Variants in ELP1 observed in about 807,000 individuals in gnomAD.
ELP1 encodes the protein elongator complex protein 1.
In ELP1, 131 loss-of-function variants were observed where a neutral mutation model predicts 183.2. That is an observed-to-expected ratio of 0.72 (90% CI 0.62 to 0.83). ELP1 has a LOEUF of 0.83. Among genes scored for constraint, ELP1 ranks in the 40% least tolerant of loss-of-function variants. The pLI is 0.00. For synonymous variants in ELP1, 555 were observed against 569.0 expected, an observed-to-expected ratio of 0.98 and a Z score of 0.35; for missense variants, 1,550 against 1,594.9, an observed-to-expected ratio of 0.97 and a Z score of 0.48.
At chr9:108,906,813 T>TA (rs1220841711) in intron 13 of ELP1, among the ~76,000 whole-genome samples, 5 of 152,186 alleles carry the variant, frequency 3.3e-5, no homozygotes, top group African/African-American at 1.2e-4. Context: ...TGCCATGACT[T>TA]ACCAGCATTC....
chr9:108,917,739 G>T, intron 8 of ELP1, 69 bp from the exon 9 acceptor site: 7 of 1,549,568 alleles, frequency 4.5e-6, no homozygotes, highest in Non-Finnish European at 6.2e-6. Context: ...AAATCCAGAA[G>T]AGTTTTTTTT....
intron 20 of ELP1, among the ~76,000 whole-genome samples, chr9:108,899,243 TAA>T (rs1336885237): frequency 6.6e-6 from 1 of 151,560 alleles, no homozygotes; most frequent in African/African-American, 2.4e-5. Context: ...GAGGTTGCAG[TAA>T]GCCGAGATTG....
Position 108,931,191 on chromosome 9 carries a change from AT to A in ELP1, c.-46del. ...GACAAGTACAACTATCCCTTGATGA[AT>A]CATTAATCTCTAAGAGAAAAATAAA... is the stretch of plus-strand genomic sequence containing the variant. On this transcript the variant is annotated 5_prime_UTR_variant, in exon 2 of 37. The change creates a premature stop within an existing upstream ORF in the 5' untranslated region. Transcript: ENST00000374647. 6.4e-7 allele frequency: 1 copy of A among 1,563,344 alleles called. No individual in the cohort carries two copies. Among genetic ancestry groups the A allele is most frequent in the Non-Finnish European group, 8.8e-7 (1 of 1,133,748 alleles).
intron 33 of ELP1, 98 bp from the exon 34 acceptor site, chr9:108,878,848 C>T (rs1827803653): frequency 7.3e-6 from 9 of 1,234,468 alleles, no homozygotes; most frequent in Admixed American, 1.7e-5. Context: ...TTGCTGATGA[C>T]CCCACACAAC....
At chr9:108,892,718 A>G (rs898369694) in intron 27 of ELP1, among the ~76,000 whole-genome samples, 4 of 152,178 alleles carry the variant, frequency 2.6e-5, no homozygotes, top group Non-Finnish European at 4.4e-5. Flanking sequence ...ACTTGTTAGG[A>G]TAATCAGACT....
intron 14 of ELP1, among the ~76,000 whole-genome samples, chr9:108,903,966 T>C (rs891482157): frequency 1.3e-4 from 20 of 152,146 alleles, no homozygotes; most frequent in African/African-American, 4.6e-4. Flanking sequence ...AATAAGGTAG[T>C]TGTTTACACT....
chr9:108,898,932 C>A (rs1235248201), intron 20 of ELP1, among the ~76,000 whole-genome samples, 183 bp from the exon 21 acceptor site: 1 of 152,170 alleles, frequency 6.6e-6, no homozygotes, highest in African/African-American at 2.4e-5. Flanking sequence ...CATTCATTTA[C>A]CTTCTTAAAA....
chr9:108,900,339 T>A lies in ELP1; in HGVS notation c.2051A>T (p.His684Leu). 1 of 1,614,178 alleles carries A rather than the reference T, an allele frequency of 6.2e-7. No individual in the cohort carries two copies. Among genetic ancestry groups the A allele is most frequent in the African/African-American group, 1.3e-5 (1 of 75,070 alleles). Residue 684 changes from histidine to leucine, a missense_variant, in exon 19 of 37, where the codon CAT becomes CTT. Coordinates refer to ENST00000374647, the MANE Select transcript of ELP1 (RefSeq NM_003640.5). ...CTCCACTTTCCGCAGAACTTCCCCATGGGACACATGATTGCTGCTCAGGCC... is the reference window on the plus strand; with the variant it reads ...CTCCACTTTCCGCAGAACTTCCCCAAGGGACACATGATTGCTGCTCAGGCC... ...QAGLSSNHVS[H>L]GEVLRKVERG... is the part of the protein sequence containing the mutation.
intron 25 of ELP1, among the ~76,000 whole-genome samples, chr9:108,896,283 T>A (rs10979598): frequency 1.3e-5 from 2 of 151,968 alleles, no homozygotes; most frequent in East Asian, 1.9e-4. Flanking sequence ...AAAAAAGCCA[T>A]GCAATTTTAC....
Position 108,914,413 on chromosome 9 carries a change from A to AGGG in ELP1, c.958+1788_958+1790dup, listed in dbSNP as rs762220846. 1.1e-3 allele frequency among the ~76,000 whole-genome samples: 94 copies of AGGG among 89,120 alleles called. 2 individuals carry two copies. The highest frequency in any genetic ancestry group is 4.0e-3 in the African/African-American group (85 of 21,260). The allele number at this position is 89,120 out of a possible 152,430, so 58.5% of individuals were successfully genotyped here. On this transcript the variant is annotated intron_variant, in intron 10 of 36. Coordinates refer to ENST00000374647, the MANE Select transcript of ELP1 (RefSeq NM_003640.5). Reference sequence around the variant, plus strand: ...ACTCCGTCTCCAAAAAAAAAAAAAAAGGGGGGGGGGGTTCTACTGATTAAA... The same window carrying AGGG: ...ACTCCGTCTCCAAAAAAAAAAAAAAAGGGGGGGGGGGGGGTTCTACTGATTAAA...
chr9:108,895,162 T>C (rs1828492057), intron 25 of ELP1, among the ~76,000 whole-genome samples: 1 of 152,074 alleles, frequency 6.6e-6, no homozygotes, highest in South Asian at 2.1e-4. Flanking sequence ...CTAGGAGGCG[T>C]AGGTTGCAGT....
At chr9:108,870,847 T>G (rs566341063) in intron 36 of ELP1, among the ~76,000 whole-genome samples, 1 of 152,316 alleles carries the variant, frequency 6.6e-6, no homozygotes, top group East Asian at 1.9e-4. Context: ...TCTTCCTCAT[T>G]GTCTGGCGCT....
intron 6 of ELP1, among the ~76,000 whole-genome samples, chr9:108,920,725 T>G (rs891290946): frequency 1.3e-5 from 2 of 152,206 alleles, no homozygotes; most frequent in African/African-American, 4.8e-5. Flanking sequence ...CATGGATTTT[T>G]GTTTTCTTTT....
At chr9:108,884,979 G>A (rs1418132438) in intron 29 of ELP1, among the ~76,000 whole-genome samples, 1 of 152,080 alleles carries the variant, frequency 6.6e-6, no homozygotes, top group African/African-American at 2.4e-5. Context: ...TACTCTGGAG[G>A]CTGAGGGGGG....
At position 108,882,127 on chromosome 9, in the gene ELP1, G is replaced by C. The variant is rs150595103; in HGVS notation, c.3283C>G (p.Leu1095Val). 7.4e-6 allele frequency: 12 copies of C among 1,612,890 alleles called. No individual in the cohort carries two copies. The African/African-American group carries it at 1.1e-4, about 14-fold the overall frequency. ...CAGAGGATTTACAAGATTCTTACCA[G>C]CCTCAAAGCTTCTTCCCAGGCAGCT... ...EGAAWEEALR[L>V]VYKYNRLDII... The change falls in exon 30 of 37, where the codon CTG becomes GTG. Residue 1095 changes from leucine to valine, a missense_variant and splice_region_variant. By Grantham distance (32) the Leu-to-Val change is conservative (BLOSUM62 1). Coordinates refer to ENST00000374647, the MANE Select transcript of ELP1 (RefSeq NM_003640.5).
chr9:108,931,987 G>A (rs1218234129), intron 1 of ELP1, among the ~76,000 whole-genome samples: 1 of 152,172 alleles, frequency 6.6e-6, no homozygotes, highest in African/African-American at 2.4e-5. Flanking sequence ...ATGTTACTGT[G>A]CTAGTTATTT....
At chr9:108,913,078 T>G (rs1230674772) in intron 10 of ELP1, among the ~76,000 whole-genome samples, 1 of 152,148 alleles carries the variant, frequency 6.6e-6, no homozygotes, top group South Asian at 2.1e-4. Flanking sequence ...TATTTTCAAC[T>G]TTACTTCCAA....
At chr9:108,892,852 G>A in intron 27 of ELP1, 134 bp downstream of exon 27, 2 of 722,534 alleles carry the variant, frequency 2.8e-6, no homozygotes, top group Non-Finnish European at 5.1e-6. Context: ...CAGATAAGAA[G>A]TTCAAATTGA....
rs987535417 is a variant in ELP1 at position 108,867,985 on chromosome 9, T to C, written c.*1130A>G. On this transcript the variant is annotated 3_prime_UTR_variant, in exon 37 of 37. Transcript: ENST00000374647. ...CCCTAAACCTCATGTTGAAATGTGA[T>C]CACCAGTGTTGGAAGTGGGGCCCAA... 6.6e-6 allele frequency: 1 copy of C among 152,292 alleles called. No individual in the cohort carries two copies. The highest frequency in any genetic ancestry group is 2.4e-5 in the African/African-American group (1 of 41,456). 9.4% of individuals were successfully genotyped at this position (152,292 alleles called of 1,614,324 possible). A position where few individuals can be genotyped will look rare whatever the true frequency, so the allele number is the denominator to read the frequency against.
Sources: allele counts gnomAD v4.1 joint callset (sites outside exome capture counted in the v4.1 genomes callset), GRCh38; gene constraint gnomAD v4.1.1; transcripts MANE v1.5; gene names NCBI Gene and HGNC (gene_info 2026-07-23, HGNC 2026-07-21).